Variants in ITGA9 observed in about 807,000 individuals in gnomAD.
ITGA9 encodes the protein integrin alpha-9.
A neutral mutation model predicts 127.8 loss-of-function variants in ITGA9; 56 were observed. The observed-to-expected ratio is 0.44, with a 90% confidence interval of 0.35 to 0.55. The LOEUF (loss-of-function observed/expected upper bound fraction) is 0.55. ITGA9 is among the 20% of genes least tolerant of loss of function. The probability of loss-of-function intolerance (pLI) is 0.00; values close to 1 mark genes in which losing one functional copy is unlikely to be tolerated. For synonymous variants in ITGA9, 508 were observed against 514.5 expected (o/e 0.99, Z 0.17); for missense variants, 1,196 against 1,347.1 (o/e 0.89, Z 1.76).
intron 18 of ITGA9, among the ~76,000 whole-genome samples, chr3:37,720,189 A>C (rs1317782353): frequency 6.6e-6 from 1 of 152,232 alleles, no homozygotes; most frequent in African/African-American, 2.4e-5. Context: ...ACCAGTTTTG[A>C]ATGAGCAGAG....
chr3:37,479,611 G>C (rs892733483), intron 3 of ITGA9, among the ~76,000 whole-genome samples: 12 of 152,236 alleles, frequency 7.9e-5, no homozygotes, highest in African/African-American at 2.7e-4. Context: ...TTCGACCCCA[G>C]AGTGGTTATT....
chr3:37,534,866 A>G (rs1313708776), intron 14 of ITGA9, among the ~76,000 whole-genome samples: 1 of 152,206 alleles, frequency 6.6e-6, no homozygotes, highest in African/African-American at 2.4e-5. Context: ...TTGCTTTCTA[A>G]CAACTATTTC....
chr3:37,591,003 C>T (rs577801893), intron 15 of ITGA9, among the ~76,000 whole-genome samples: 2 of 152,302 alleles, frequency 1.3e-5, no homozygotes, highest in African/African-American at 4.8e-5. Flanking sequence ...TGCTCTGCCC[C>T]ACCCTGTCCT....
intron 27 of ITGA9, 198 bp from the exon 28 acceptor site, chr3:37,818,693 C>T: frequency 1.6e-6 from 1 of 622,906 alleles, no homozygotes. Flanking sequence ...ATATCACCCG[C>T]AGGAAGTCCA....
At chr3:37,689,600 G>A (rs1452567154) in intron 18 of ITGA9, among the ~76,000 whole-genome samples, 1 of 152,160 alleles carries the variant, frequency 6.6e-6, no homozygotes, top group African/African-American at 2.4e-5. Flanking sequence ...GGGGGGTGCT[G>A]CATGGTTAAA....
intron 17 of ITGA9, among the ~76,000 whole-genome samples, chr3:37,681,656 A>G (rs1700736068): frequency 2.6e-5 from 4 of 152,316 alleles, no homozygotes; most frequent in Admixed American, 2.0e-4. Context: ...TTAACTGGTT[A>G]TCCGATTAAA....
At chr3:37,491,542 A>G (rs1286516967) in intron 4 of ITGA9, among the ~76,000 whole-genome samples, 1 of 152,158 alleles carries the variant, frequency 6.6e-6, no homozygotes, top group Admixed American at 6.5e-5. Context: ...AGGAGACTGG[A>G]GGTCACCCCC....
chr3:37,452,385 C>T lies in ITGA9; in HGVS notation c.11C>T (p.Pro4Leu). The T allele has an allele frequency of 7.7e-7, 1 of 1,298,062 alleles. No homozygotes were observed. The highest frequency in any genetic ancestry group is 9.8e-7 in the Non-Finnish European group (1 of 1,025,212). The allele number at this position is 1,298,062 out of a possible 1,614,324, so 80.4% of individuals were successfully genotyped here. The change falls in exon 1 of 28, where the codon CCG becomes CTG. Residue 4 changes from proline (P) to leucine (L), a missense_variant. Transcript: ENST00000264741. This position sits in a 1 kb window ranked among gnomAD's most constrained non-coding sequence, Gnocchi z 7.3. Reference protein sequence around the residue: MGGPAAPRGAGRLR... With the variant: MGGLAAPRGAGRLR... Reference sequence around the variant, plus strand: ...GGCGGCCGGCTGGGGATGGGCGGCCCGGCTGCGCCGAGGGGCGCCGGGAGG... The same window carrying T: ...GGCGGCCGGCTGGGGATGGGCGGCCTGGCTGCGCCGAGGGGCGCCGGGAGG...
chr3:37,766,438 T>G (rs189188261), intron 23 of ITGA9, among the ~76,000 whole-genome samples: 1 of 152,334 alleles, frequency 6.6e-6, no homozygotes, highest in Admixed American at 6.5e-5. Flanking sequence ...CTCTGGTGTA[T>G]GTACTCTCAG....
intron 15 of ITGA9, among the ~76,000 whole-genome samples, chr3:37,553,013 TAAAA>T (rs10662748): frequency 7.3e-6 from 1 of 137,142 alleles, no homozygotes; most frequent in Non-Finnish European, 1.6e-5. Flanking sequence ...AGACTCCATC[TAAAA>T]AAAAAAAAAA....
chr3:37,747,542 T>TC (rs1045579039), intron 22 of ITGA9, among the ~76,000 whole-genome samples: 1 of 102,928 alleles, frequency 9.7e-6, no homozygotes, highest in Non-Finnish European at 1.9e-5. Context: ...GCCACAGCCA[T>TC]CCCCCCATTA....
chr3:37,752,847 A>G (rs1244107825), intron 23 of ITGA9, among the ~76,000 whole-genome samples: 2 of 152,106 alleles, frequency 1.3e-5, no homozygotes, highest in Non-Finnish European at 2.9e-5. Context: ...TCTGGCTTAT[A>G]TATGGGAGGT....
chr3:37,794,586 G>A (rs1697150918), intron 26 of ITGA9, among the ~76,000 whole-genome samples: 1 of 152,194 alleles, frequency 6.6e-6, no homozygotes, highest in African/African-American at 2.4e-5. Flanking sequence ...ATCGCTTGAG[G>A]TAAATGAGCT....
intron 13 of ITGA9, 116 bp from the exon 14 acceptor site, chr3:37,533,198 G>A (rs893023531): frequency 2.1e-6 from 2 of 974,750 alleles, no homozygotes; most frequent in African/African-American, 1.6e-5. Flanking sequence ...GATATTTCAT[G>A]CTTTAATTAA....
At chr3:37,464,242 T>TC (rs1698346947) in intron 1 of ITGA9, among the ~76,000 whole-genome samples, 1 of 151,824 alleles carries the variant, frequency 6.6e-6, no homozygotes, top group East Asian at 1.9e-4. Context: ...TGAAAACCTT[T>TC]CCTTCATGGC....
intron 23 of ITGA9, among the ~76,000 whole-genome samples, chr3:37,760,077 T>G (rs1185184903): frequency 1.3e-5 from 2 of 150,504 alleles, no homozygotes; most frequent in East Asian, 3.9e-4. Flanking sequence ...AAAAATTAGC[T>G]GGGAGTGGTG....
chr3:37,780,552 C>T (rs1174727325), intron 25 of ITGA9, among the ~76,000 whole-genome samples: 1 of 147,968 alleles, frequency 6.8e-6, no homozygotes, highest in Non-Finnish European at 1.5e-5. Flanking sequence ...ATATATATAC[C>T]ACATTTTCTA....
intron 26 of ITGA9, among the ~76,000 whole-genome samples, chr3:37,797,934 C>T (rs111854254): frequency 0.04 from 6,054 of 152,210 alleles, 151 homozygotes; most frequent in Middle Eastern, 0.061. Context: ...ATCCACCCGC[C>T]TTGGTCTCCC....
At chr3:37,517,707 C>A in intron 10 of ITGA9, 98 bp downstream of exon 10, 1 of 883,114 alleles carries the variant, frequency 1.1e-6, no homozygotes, top group Non-Finnish European at 1.8e-6. Context: ...TCTCTAGTGG[C>A]ATGCTCCTGG....
Sources: gnomAD v4.1 joint callset for allele counts (sites outside exome capture counted in the v4.1 genomes callset) on GRCh38, gnomAD v4.1.1 for gene constraint, Gnocchi (gnomAD v3.1) non-coding constraint, MANE v1.5 for transcripts, NCBI Gene and HGNC (gene_info 2026-07-23, HGNC 2026-07-21) for gene names.